The following VPS13A variants were observed in gnomAD, a reference collection of about 807,000 sequenced individuals.
The protein encoded by VPS13A is intermembrane lipid transfer protein VPS13A.
VPS13A carries 264 observed loss-of-function variants against 390.9 expected under a neutral mutation model. The observed-to-expected ratio is 0.68, with a 90% CI of 0.61 to 0.75. The LOEUF (loss-of-function observed/expected upper bound fraction) is 0.75, where lower values mean the gene tolerates loss of function less well. Ranked by LOEUF, VPS13A falls within the 30% of genes least tolerant of loss-of-function variation. The pLI, the probability that VPS13A is intolerant of heterozygous loss-of-function variation, is 0.00. For synonymous variants in VPS13A, 1,231 were observed against 1,227.1 expected, an observed-to-expected ratio of 1.00 and a Z score of -0.07; for missense variants, 3,409 against 3,733.9, an observed-to-expected ratio of 0.91 and a Z score of 2.27.
intron 23 of VPS13A, among the ~76,000 whole-genome samples, chr9:77,262,035 C>G (rs1825790308): frequency 6.6e-6 from 1 of 152,120 alleles, no homozygotes; most frequent in Non-Finnish European, 1.5e-5. Context: ...AACATACTTT[C>G]CTAAGTTTAC....
At position 77,225,917 on chromosome 9, in the gene VPS13A, A is replaced by G. The variant is rs1316475987; in HGVS notation, c.1162-9A>G. ...GTAAAGTTAACACATTTTTGTTTATATTTTTCAGGAGTTGGAAAAAACCTT... is the reference window on the plus strand; with the variant it reads ...GTAAAGTTAACACATTTTTGTTTATGTTTTTCAGGAGTTGGAAAAAACCTT... On this transcript the variant is annotated splice_polypyrimidine_tract_variant and intron_variant, in intron 13 of 71. Transcript: ENST00000360280. 3 of 1,605,698 alleles carry G rather than the reference A, an allele frequency of 1.9e-6. No homozygotes were observed. The highest frequency in any genetic ancestry group is 2.2e-5 in the South Asian group (2 of 90,682).
chr9:77,179,307 C>T (rs1054857282), intron 1 of VPS13A, among the ~76,000 whole-genome samples: 5 of 152,110 alleles, frequency 3.3e-5, no homozygotes, highest in Non-Finnish European at 7.4e-5. Flanking sequence ...ATGTATGCAC[C>T]ACCACAATAA....
chr9:77,177,549 TG>T lies in VPS13A; in HGVS notation c.-153del. Reference sequence around the variant, plus strand: ...GAGAGCGACCGCCTCCGTCTCTCGCTGGGCTCGCTAGGGCTGCGCGTTGGGC... The same window carrying T: ...GAGAGCGACCGCCTCCGTCTCTCGCTGGCTCGCTAGGGCTGCGCGTTGGGC... On this transcript the variant is annotated 5_prime_UTR_variant, in exon 1 of 72. Coordinates refer to ENST00000360280, the MANE Select transcript of VPS13A (RefSeq NM_033305.3). 1 of 681,370 alleles carries T rather than the reference TG, an allele frequency of 1.5e-6. No individual in the cohort carries two copies. The highest frequency in any genetic ancestry group is 2.6e-6 in the Non-Finnish European group (1 of 387,286). The allele number at this position is 681,370 out of a possible 1,614,324, so 42.2% of individuals were successfully genotyped here. A position where few individuals can be genotyped will look rare whatever the true frequency, so the allele number is the denominator to read the frequency against.
At chr9:77,346,037 A>T (rs184957669) in intron 52 of VPS13A, among the ~76,000 whole-genome samples, 41 of 152,328 alleles carry the variant, frequency 2.7e-4, no homozygotes, top group Admixed American at 1.6e-3. Context: ...GATACCCAGT[A>T]CTGGGATTGC....
intron 50 of VPS13A, 93 bp downstream of exon 50, chr9:77,340,643 C>T: frequency 1.4e-6 from 2 of 1,473,588 alleles, no homozygotes; most frequent in South Asian, 2.4e-5. Context: ...TTTTAACTCT[C>T]CCCTTACTCC....
At chr9:77,299,344 T>C (rs1370551855) in intron 33 of VPS13A, among the ~76,000 whole-genome samples, 4 of 152,134 alleles carry the variant, frequency 2.6e-5, no homozygotes, top group African/African-American at 9.7e-5. Flanking sequence ...ATAAATTACT[T>C]TGGGCAGTAT....
In VPS13A at chr9:77,226,540, G is replaced by A; in HGVS notation, c.1299G>A (p.Trp433Ter). The A allele has an allele frequency of 6.2e-7, 1 of 1,613,178 alleles. No individual in the cohort carries two copies. Among genetic ancestry groups the A allele is most frequent in the Non-Finnish European group, 8.5e-7 (1 of 1,179,474 alleles). ...AGGATAATAAAGGGTGGTTTAGCTG[G>A]CTATGGTCTTGGTCAGAACAAAATA... ...DPEDNKGWFS[W>*]LWSWSEQNTN... Residue 433 changes from tryptophan (W) to a stop codon, truncating the protein, a stop_gained, in exon 15 of 72, where the codon TGG becomes TGA. Transcript: ENST00000360280. LOFTEE classifies it high-confidence loss of function.
At chr9:77,295,487 T>C (rs1827931817) in intron 32 of VPS13A, 55 bp from the exon 33 acceptor site, 2 of 1,398,548 alleles carry the variant, frequency 1.4e-6, no homozygotes, top group Non-Finnish European at 1.9e-6. Flanking sequence ...TCAATATATA[T>C]TTAATAAGTC....
intron 10 of VPS13A, among the ~76,000 whole-genome samples, chr9:77,216,518 G>A (rs1822874922): frequency 6.6e-6 from 1 of 152,084 alleles, no homozygotes. Flanking sequence ...CTGCATATAG[G>A]AGCATAGTTA....
chr9:77,367,615 A>G (rs1316076527), intron 61 of VPS13A, among the ~76,000 whole-genome samples: 1 of 152,230 alleles, frequency 6.6e-6, no homozygotes, highest in East Asian at 1.9e-4. Context: ...TAATCTTAGT[A>G]TATATTCTGT....
chr9:77,220,394 T>G lies in VPS13A; in HGVS notation c.989+11T>G, dbSNP rs776391224. On this transcript the variant is annotated intron_variant, in intron 12 of 71. Coordinates refer to ENST00000360280, the MANE Select transcript of VPS13A (RefSeq NM_033305.3). ...CCATGCCAGAGAATGGTAAATGCCT[T>G]GATTTTTTTTTTTTTTTAGATTTTA... is the stretch of plus-strand genomic sequence containing the variant. The G allele has an allele frequency of 1.3e-6, 2 of 1,557,740 alleles. No individual in the cohort carries two copies. The highest frequency in any genetic ancestry group is 1.8e-5 in the Admixed American group (1 of 56,684).
intron 20 of VPS13A, among the ~76,000 whole-genome samples, chr9:77,248,608 T>C (rs1824969245): frequency 6.6e-6 from 1 of 152,136 alleles, no homozygotes. Flanking sequence ...CTCTTCACTA[T>C]AGTACCCACT....
intron 63 of VPS13A, among the ~76,000 whole-genome samples, 171 bp from the exon 64 acceptor site, chr9:77,370,086 C>T (rs1832663834): frequency 6.6e-6 from 1 of 152,164 alleles, no homozygotes; most frequent in Admixed American, 6.5e-5. Flanking sequence ...TTTCAGCGTC[C>T]AGAAATATCC....
chr9:77,414,744 A>AATAATAATAATG (rs1295901141), intron 71 of VPS13A, among the ~76,000 whole-genome samples: 1 of 143,700 alleles, frequency 7.0e-6, no homozygotes, highest in Non-Finnish European at 1.5e-5. Flanking sequence ...TATAATTAAT[A>AATAATAATAATG]ATAATAATAA....
chr9:77,242,575 A>T (rs1475725723), intron 19 of VPS13A, among the ~76,000 whole-genome samples: 1 of 151,996 alleles, frequency 6.6e-6, no homozygotes, highest in African/African-American at 2.4e-5. Flanking sequence ...TGGGAATTCC[A>T]TTCCTAGTTT....
intron 13 of VPS13A, among the ~76,000 whole-genome samples, chr9:77,223,601 C>G (rs1823343782): frequency 6.6e-6 from 1 of 152,014 alleles, no homozygotes; most frequent in African/African-American, 2.4e-5. Flanking sequence ...AGTGCAAGGC[C>G]CTAAACATAT....
chr9:77,297,937 T>G (rs1287769005), intron 33 of VPS13A, among the ~76,000 whole-genome samples: 1 of 152,160 alleles, frequency 6.6e-6, no homozygotes, highest in African/African-American at 2.4e-5. Flanking sequence ...GGTGACTTAG[T>G]CTAAGGTAAG....
In VPS13A at chr9:77,351,440, G is replaced by A. The variant is rs373921631; in HGVS notation, c.7413G>A (p.Gln2471=). Residue 2471 remains glutamine (Q), a synonymous_variant, in exon 53 of 72, where the codon CAG becomes CAA. Transcript: ENST00000360280. ...RCRKSHGEVT[Q]KDDMMMPIDL... Reference sequence around the variant, plus strand: ...GAAAAAGCCATGGTGAAGTAACACAGAAGGATGTAAGTATTGGGTTATTAT... The same window carrying A: ...GAAAAAGCCATGGTGAAGTAACACAAAAGGATGTAAGTATTGGGTTATTAT... 1 of 1,613,342 alleles carries A rather than the reference G, an allele frequency of 6.2e-7. No individual in the cohort carries two copies. The highest frequency in any genetic ancestry group is 1.3e-5 in the African/African-American group (1 of 75,026).
At chr9:77,317,179 C>G (rs1189019358) in intron 39 of VPS13A, among the ~76,000 whole-genome samples, 1 of 151,802 alleles carries the variant, frequency 6.6e-6, no homozygotes, top group Non-Finnish European at 1.5e-5. Flanking sequence ...AACTGTTGCC[C>G]AAATTTGCAA....
Sources: gnomAD v4.1 joint callset for allele counts (sites outside exome capture counted in the v4.1 genomes callset) on GRCh38, gnomAD v4.1.1 for gene constraint, MANE v1.5 for transcripts, NCBI Gene and HGNC (gene_info 2026-07-23, HGNC 2026-07-21) for gene names.